Variants in ADGRL2 observed in about 807,000 individuals in gnomAD.
ADGRL2 encodes the protein calcium-independent alpha-latrotoxin receptor 2.
Under a neutral mutation model 157.4 loss-of-function variants are expected in ADGRL2, and 44 were observed. The ratio of observed to expected loss-of-function variants is 0.28; its 90% CI spans 0.22 to 0.36. The LOEUF is 0.36. Among genes scored for constraint, ADGRL2 ranks in the 10% least tolerant of loss-of-function variants. The pLI, the probability that ADGRL2 is intolerant of heterozygous loss-of-function variation, is 1.00. For synonymous variants in ADGRL2, 585 were observed against 624.7 expected (o/e 0.94, Z 0.95); for missense variants, 1,510 against 1,768.9 (o/e 0.85, Z 2.63).
At chr1:81,633,137 C>T (rs1229398094) in intron 3 of ADGRL2, among the ~76,000 whole-genome samples, 3 of 152,034 alleles carry the variant, frequency 2.0e-5, no homozygotes, top group Non-Finnish European at 2.9e-5. Context: ...AGAGAGAAAC[C>T]GTGAGCTTTT....
intron 11 of ADGRL2, among the ~76,000 whole-genome samples, chr1:81,963,063 ATTC>A (rs1655949966): frequency 6.6e-6 from 1 of 151,982 alleles, no homozygotes; most frequent in Non-Finnish European, 1.5e-5. Context: ...GCATTATGTA[ATTC>A]TTCATTTTTT....
At chr1:81,771,075 T>A (rs2086350068) in intron 2 of ADGRL2, among the ~76,000 whole-genome samples, 1 of 152,188 alleles carries the variant, frequency 6.6e-6, no homozygotes, top group African/African-American at 2.4e-5. Flanking sequence ...TAACTAGACC[T>A]CTAGTCCAGT....
chr1:81,798,248 T>C (rs1338920616), upstream of ADGRL2, among the ~76,000 whole-genome samples: 3 of 152,088 alleles, frequency 2.0e-5, no homozygotes, highest in Admixed American at 1.3e-4. Context: ...ATATACTCTA[T>C]GGTGTGTGCC....
chr1:81,863,510 CTT>C (rs2093448412), intron 2 of ADGRL2, among the ~76,000 whole-genome samples: 1 of 152,274 alleles, frequency 6.6e-6, no homozygotes, highest in East Asian at 1.9e-4. Context: ...CTTGAGGACT[CTT>C]TGCCCTAAAT....
chr1:81,644,962 T>A (rs2082285228), intron 3 of ADGRL2, among the ~76,000 whole-genome samples: 1 of 152,238 alleles, frequency 6.6e-6, no homozygotes, highest in Non-Finnish European at 1.5e-5. Flanking sequence ...CCATATAGTT[T>A]TACCATATAT....
chr1:81,576,661 C>T (rs1470149728), intron 2 of ADGRL2, among the ~76,000 whole-genome samples: 2 of 152,132 alleles, frequency 1.3e-5, no homozygotes, highest in Non-Finnish European at 2.9e-5. Flanking sequence ...CTCTCCATGG[C>T]ACCAGAGTAA....
chr1:81,602,137 A>C (rs1397240488), intron 3 of ADGRL2, among the ~76,000 whole-genome samples: 1 of 152,184 alleles, frequency 6.6e-6, no homozygotes, highest in East Asian at 1.9e-4. Flanking sequence ...ATTAAAACAC[A>C]TGAAGCAGTT....
chr1:81,946,419 G>A (rs1023116802), intron 6 of ADGRL2, among the ~76,000 whole-genome samples: 3 of 150,412 alleles, frequency 2.0e-5, no homozygotes, highest in African/African-American at 7.4e-5. Context: ...CCTAAACGAG[G>A]TCTGTTTTTC....
intron 1 of ADGRL2, among the ~76,000 whole-genome samples, chr1:81,348,423 T>G (rs1355095359): frequency 1.3e-5 from 2 of 152,144 alleles, no homozygotes; most frequent in African/African-American, 2.4e-5. Context: ...CTGCTTCACT[T>G]CTCTGACCAA....
At chr1:81,475,885 TA>T (rs138079621) in intron 2 of ADGRL2, among the ~76,000 whole-genome samples, 1 of 152,162 alleles carries the variant, frequency 6.6e-6, no homozygotes, top group African/African-American at 2.4e-5. Context: ...CTGTCATGAG[TA>T]GTTAGTTATC....
At chr1:81,330,625 T>C (rs1661206243) in intron 1 of ADGRL2, among the ~76,000 whole-genome samples, 1 of 152,148 alleles carries the variant, frequency 6.6e-6, no homozygotes, top group South Asian at 2.1e-4. Flanking sequence ...AATGGATCTT[T>C]CCTATTATAC....
chr1:81,419,511 C>T (rs891255905), intron 1 of ADGRL2, among the ~76,000 whole-genome samples: 2 of 152,146 alleles, frequency 1.3e-5, no homozygotes, highest in Non-Finnish European at 2.9e-5. Context: ...CCTGGCCATT[C>T]TTTATCTTTT....
chr1:81,428,997 G>A (rs191286088), intron 1 of ADGRL2, among the ~76,000 whole-genome samples: 109 of 152,194 alleles, frequency 7.2e-4, no homozygotes, highest in African/African-American at 2.5e-3. Context: ...TCTGAGCCCC[G>A]ATGCCTAGAA....
chr1:81,974,636 C>T (rs1449310060), intron 17 of ADGRL2, among the ~76,000 whole-genome samples: 2 of 152,100 alleles, frequency 1.3e-5, no homozygotes, highest in African/African-American at 4.8e-5. Context: ...TGTTTCTGTT[C>T]TTCTGTCTTA....
intron 2 of ADGRL2, among the ~76,000 whole-genome samples, chr1:81,781,988 G>A (rs1040378905): frequency 5.3e-5 from 8 of 152,178 alleles, no homozygotes; most frequent in African/African-American, 1.9e-4. Context: ...TCAGAGCCAT[G>A]GGTCCCTAAA....
At chr1:81,595,412 C>T (rs545731064) in intron 3 of ADGRL2, among the ~76,000 whole-genome samples, 86 of 152,258 alleles carry the variant, frequency 5.6e-4, no homozygotes, top group African/African-American at 1.9e-3. Flanking sequence ...GGTATTTTTG[C>T]AGGACATAAG....
At chr1:81,838,371 G>A (rs149052629) in intron 2 of ADGRL2, among the ~76,000 whole-genome samples, 49 of 152,134 alleles carry the variant, frequency 3.2e-4, no homozygotes, top group African/African-American at 1.2e-3. Flanking sequence ...GTCACACTTG[G>A]CAGTTACAAT....
chr1:81,830,548 C>T (rs1022288588), intron 1 of ADGRL2, among the ~76,000 whole-genome samples: 9 of 152,116 alleles, frequency 5.9e-5, no homozygotes, highest in African/African-American at 1.9e-4. Context: ...CGCTCTGTCT[C>T]CTGGGCTGGA....
intron 2 of ADGRL2, among the ~76,000 whole-genome samples, chr1:81,479,567 A>C (rs537545338): frequency 3.9e-5 from 6 of 152,318 alleles, no homozygotes; most frequent in African/African-American, 1.4e-4. Flanking sequence ...TAAGGAATGA[A>C]AAACTGAAAT....
Sources: allele counts gnomAD v4.1 joint callset (sites outside exome capture counted in the v4.1 genomes callset), GRCh38; gene constraint gnomAD v4.1.1; transcripts MANE v1.5; gene names NCBI Gene and HGNC (gene_info 2026-07-23, HGNC 2026-07-21).